NBEA: variants seen among roughly 807,000 people sequenced by gnomAD.
The protein encoded by NBEA is neurobeachin, also known as lysosomal-trafficking regulator 2.
In NBEA, 44 loss-of-function variants were observed where a neutral mutation model predicts 343.4. The ratio of observed to expected loss-of-function variants is 0.13; its 90% CI spans 0.10 to 0.16. NBEA has a LOEUF of 0.16. NBEA is among the 10% of genes least tolerant of loss of function. The pLI, the probability that NBEA is intolerant of heterozygous loss-of-function variation, is 1.00. For missense variants in NBEA, 2,555 were observed against 3,631.3 expected, an observed-to-expected ratio of 0.70 and a Z score of 7.62; for synonymous variants, 1,175 against 1,238.7, an observed-to-expected ratio of 0.95 and a Z score of 1.08.
intron 34 of NBEA, among the ~76,000 whole-genome samples, chr13:35,250,609 T>G (rs1184846924): frequency 1.3e-5 from 2 of 152,212 alleles, no homozygotes; most frequent in East Asian, 3.8e-4. Context: ...TGCATTATCA[T>G]GTAAAGTTGA....
intron 38 of NBEA, among the ~76,000 whole-genome samples, chr13:35,371,452 A>T (rs1346457921): frequency 6.6e-6 from 1 of 151,154 alleles, no homozygotes; most frequent in Non-Finnish European, 1.5e-5. Context: ...CAGTTTCAGG[A>T]TTCCTGTTTG....
intron 41 of NBEA, among the ~76,000 whole-genome samples, chr13:35,503,356 T>A (rs1287723949): frequency 6.6e-6 from 1 of 151,936 alleles, no homozygotes; most frequent in African/African-American, 2.4e-5. Flanking sequence ...GGTAGATATA[T>A]AATTTTTATA....
intron 34 of NBEA, among the ~76,000 whole-genome samples, chr13:35,286,669 T>C (rs962434789): frequency 6.6e-6 from 1 of 152,136 alleles, no homozygotes; most frequent in Admixed American, 6.6e-5. Context: ...CTTTTAGTAG[T>C]GTTTGTATTA....
chr13:35,037,556 C>T (rs1029674913), intron 1 of NBEA, among the ~76,000 whole-genome samples: 1 of 152,126 alleles, frequency 6.6e-6, no homozygotes, highest in Non-Finnish European at 1.5e-5. Context: ...GAAGGCTTTC[C>T]AGTGACACTG....
intron 48 of NBEA, among the ~76,000 whole-genome samples, chr13:35,622,672 TTC>T (rs2083046609): frequency 6.6e-6 from 1 of 152,218 alleles, no homozygotes; most frequent in Non-Finnish European, 1.5e-5. Context: ...CAATATGGCT[TTC>T]TGATTATCTA....
chr13:35,408,138 G>C (rs188062388), intron 38 of NBEA, among the ~76,000 whole-genome samples: 8 of 152,192 alleles, frequency 5.3e-5, no homozygotes, highest in Admixed American at 3.9e-4. Context: ...AACCAAAACA[G>C]CATGGTGGGT....
At chr13:35,187,991 G>T (rs1251742225) in intron 30 of NBEA, among the ~76,000 whole-genome samples, 2 of 151,788 alleles carry the variant, frequency 1.3e-5, no homozygotes, top group African/African-American at 4.8e-5. Flanking sequence ...CACCTCCTCC[G>T]AGAGGCCTTC....
rs549919787 is a variant in NBEA at position 35,358,168 on chromosome 13, C to T, written c.6179+5845C>T. On this transcript the variant is annotated intron_variant, in intron 38 of 58. Coordinates refer to ENST00000379939, the MANE Select transcript of NBEA (RefSeq NM_001385012.1). ...TCCTGAGTAGCTGGGATTACAGGCA[C>T]GCACCACCACACCCAGCTAATTTTT... Among the ~76,000 whole-genome samples, 889 of 151,788 alleles carry T rather than the reference C, an allele frequency of 5.9e-3. 11 individuals are homozygous for T. Among genetic ancestry groups the T allele is most frequent in the African/African-American group, 0.02 (845 of 41,398 alleles).
chr13:35,184,100 T>C (rs768021935), intron 30 of NBEA, 29 bp downstream of exon 30: 64 of 1,473,246 alleles, frequency 4.3e-5, no homozygotes, highest in Non-Finnish European at 5.6e-5. Context: ...CCTGACCTGT[T>C]TGGGTATTCT....
intron 1 of NBEA, among the ~76,000 whole-genome samples, chr13:34,998,104 A>C (rs2060999062): frequency 6.6e-6 from 1 of 152,140 alleles, no homozygotes; most frequent in Non-Finnish European, 1.5e-5. Flanking sequence ...AAAAGGGAGA[A>C]ATTTTAAAGC....
At chr13:35,175,852 A>C (rs958433603) in intron 27 of NBEA, among the ~76,000 whole-genome samples, 7 of 152,064 alleles carry the variant, frequency 4.6e-5, no homozygotes, top group African/African-American at 1.7e-4. Flanking sequence ...ATGTGACCTC[A>C]TTTTTATACT....
At chr13:35,353,021 T>C (rs1364495357) in intron 38 of NBEA, among the ~76,000 whole-genome samples, 2 of 152,176 alleles carry the variant, frequency 1.3e-5, no homozygotes, top group African/African-American at 4.8e-5. Flanking sequence ...TTTTATATTA[T>C]GTTTTTTGAC....
intron 47 of NBEA, among the ~76,000 whole-genome samples, chr13:35,599,857 A>G (rs186770566): frequency 1.1e-4 from 16 of 152,368 alleles, no homozygotes; most frequent in African/African-American, 3.6e-4. Context: ...ACCATTCTCT[A>G]CAGTCTGAGT....
chr13:35,058,652 T>G (rs2063353830), intron 7 of NBEA, 65 bp from the exon 8 acceptor site: 1 of 1,289,004 alleles, frequency 7.8e-7, no homozygotes, highest in Non-Finnish European at 1.1e-6. Context: ...TGAAGGCCGA[T>G]TTAAGGATTT....
rs190428870 is a variant in NBEA, at chr13:34,952,787, C to T, written c.294+9673C>T. Among the ~76,000 whole-genome samples, 330 of 152,020 alleles carry T rather than the reference C, an allele frequency of 2.2e-3. 2 individuals carry two copies. The highest frequency in any genetic ancestry group is 6.8e-3 in the African/African-American group (282 of 41,460). On this transcript the variant is annotated intron_variant, in intron 1 of 58. Transcript: ENST00000379939. ...TACTTTCATTTTCTGAGAAAAATAA[C>T]GCAGCAGATTAAAAGATGGTATATA...
chr13:35,337,490 T>C (rs1472414154), intron 36 of NBEA, among the ~76,000 whole-genome samples: 1 of 152,032 alleles, frequency 6.6e-6, no homozygotes, highest in Non-Finnish European at 1.5e-5. Flanking sequence ...AAGAGACCCC[T>C]AAAATATATC....
chr13:35,598,331 G>A (rs2081900342), intron 47 of NBEA, among the ~76,000 whole-genome samples: 1 of 152,316 alleles, frequency 6.6e-6, no homozygotes, highest in African/African-American at 2.4e-5. Flanking sequence ...GACAGGGACT[G>A]TCCATGGATT....
At chr13:35,183,033 G>A (rs1450291983) in intron 29 of NBEA, among the ~76,000 whole-genome samples, 1 of 151,850 alleles carries the variant, frequency 6.6e-6, no homozygotes, top group African/African-American at 2.4e-5. Flanking sequence ...TTATACCAAA[G>A]TGGCCTCAAC....
intron 38 of NBEA, among the ~76,000 whole-genome samples, chr13:35,372,829 G>A (rs1424626584): frequency 6.6e-6 from 1 of 152,098 alleles, no homozygotes; most frequent in Non-Finnish European, 1.5e-5. Context: ...GTCAGTGGAA[G>A]CCCAAGGATG....
Sources: allele counts gnomAD v4.1 joint callset (sites outside exome capture counted in the v4.1 genomes callset), GRCh38; gene constraint gnomAD v4.1.1; transcripts MANE v1.5; gene names NCBI Gene and HGNC (gene_info 2026-07-23, HGNC 2026-07-21).